MYO19: variants seen among roughly 807,000 people sequenced by gnomAD.
MYO19 encodes myosin XIX, also known as unconventional myosin-XIX.
A neutral mutation model predicts 129.2 loss-of-function variants in MYO19; 132 were observed. The observed-to-expected ratio is 1.02, with a 90% CI of 0.89 to 1.18. MYO19 has a LOEUF of 1.18. MYO19 is among the 50% of genes most tolerant of loss of function. The pLI is 0.00. For missense variants in MYO19, 1,210 were observed against 1,216.7 expected, an observed-to-expected ratio of 0.99 and a Z score of 0.08; for synonymous variants, 531 against 477.2, an observed-to-expected ratio of 1.11 and a Z score of -1.47.
In MYO19 at chr17:36,498,670, A is replaced by G; in HGVS notation, c.2464-111T>C. 4 of 1,300,034 alleles carry G rather than the reference A, an allele frequency of 3.1e-6. No individual in the cohort carries two copies. The South Asian group carries it at 6.2e-5, about 20-fold the overall frequency. The allele number at this position is 1,300,034 out of a possible 1,614,324, so 80.5% of individuals were successfully genotyped here. On this transcript the variant is annotated intron_variant, in intron 24 of 25. Transcript: ENST00000614623. The stretch of plus-strand genomic sequence containing the variant: ...CATCTTAACAAGGTGAACTGAAGGC[A>G]CCTGGTTGCAAACAGCTGGCTGCCC...
chr17:36,519,814 A>C (rs2073030196), intron 6 of MYO19, among the ~76,000 whole-genome samples: 2 of 151,998 alleles, frequency 1.3e-5, no homozygotes, highest in Non-Finnish European at 2.9e-5. Context: ...TCTTTATTTC[A>C]CTTTCATTGT....
At chr17:36,499,450 C>T (rs926051116) in intron 23 of MYO19, 2 of 282,418 alleles carry the variant, frequency 7.1e-6, no homozygotes, top group Non-Finnish European at 1.4e-5. Flanking sequence ...CAGGCTGGGT[C>T]CAGGTCAGCA....
intron 2 of MYO19, among the ~76,000 whole-genome samples, chr17:36,540,495 C>G (rs780859008): frequency 6.6e-6 from 1 of 151,944 alleles, no homozygotes; most frequent in Non-Finnish European, 1.5e-5. Context: ...CTCAGCCTCC[C>G]GAGGAGCTGG....
At chr17:36,525,021 C>A (rs1264187498) in intron 6 of MYO19, among the ~76,000 whole-genome samples, 1 of 152,168 alleles carries the variant, frequency 6.6e-6, no homozygotes, top group Non-Finnish European at 1.5e-5. Context: ...GATGGCAGAG[C>A]TTGCAGTAGA....
Position 36,513,654 on chromosome 17 carries a change from C to T in MYO19, c.792G>A (p.Leu264=). 1.2e-6 allele frequency: 2 copies of T among 1,613,992 alleles called. No homozygotes were observed. Among genetic ancestry groups the T allele is most frequent in the Non-Finnish European group, 1.7e-6 (2 of 1,179,890 alleles). ...HLPEGAAFSW[L]PNPERSLEED... ...CTTCTAAGCTCCTCTCTGGGTTGGG[C>T]AGCCAGGAGAAGGCAGCTCCCTCAG... The change falls in exon 10 of 26, where the codon CTG becomes CTA. Residue 264 remains leucine, a synonymous_variant. Coordinates refer to ENST00000614623, the MANE Select transcript of MYO19 (RefSeq NM_001163735.2).
upstream of MYO19, chr17:36,538,520 C>A: frequency 6.2e-7 from 1 of 1,613,742 alleles, no homozygotes; most frequent in Non-Finnish European, 8.5e-7. Context: ...ACAGCAGTAC[C>A]TTGTGGGCCT....
intron 6 of MYO19, among the ~76,000 whole-genome samples, chr17:36,523,729 A>C (rs1415583227): frequency 2.0e-5 from 3 of 152,196 alleles, no homozygotes; most frequent in Non-Finnish European, 2.9e-5. Context: ...ATGTATTTTG[A>C]GGGCAGGGAA....
In MYO19 at chr17:36,495,754, G is replaced by A. The variant is rs2070912528; in HGVS notation, c.*497C>T. On this transcript the variant is annotated 3_prime_UTR_variant, in exon 26 of 26. Coordinates refer to ENST00000614623, the MANE Select transcript of MYO19 (RefSeq NM_001163735.2). ...AATAAAATCAAAACGTGATTCTACT[G>A]TACATTGCATTATTCATAATTTAAT... The A allele has an allele frequency of 2.4e-6, 3 of 1,246,806 alleles. No individual in the cohort carries two copies. Among genetic ancestry groups the A allele is most frequent in the South Asian group, 3.9e-5 (1 of 25,482 alleles). The allele number at this position is 1,246,806 out of a possible 1,614,324, so 77.2% of individuals were successfully genotyped here.
chr17:36,502,898 C>A, intron 21 of MYO19, 199 bp downstream of exon 21: 1 of 604,290 alleles, frequency 1.7e-6, no homozygotes, highest in Non-Finnish European at 2.9e-6. Flanking sequence ...TAGCACCACC[C>A]ACAGCATCCT....
chr17:36,505,520 AC>A, intron 18 of MYO19, 116 bp from the exon 19 acceptor site: 1 of 695,308 alleles, frequency 1.4e-6, no homozygotes, highest in Non-Finnish European at 2.5e-6. Context: ...TGATCCTGAG[AC>A]CAAGAATCTC....
At chr17:36,528,459 C>CG in intron 3 of MYO19, among the ~76,000 whole-genome samples, 3 of 149,644 alleles carry the variant, frequency 2.0e-5, no homozygotes, top group Admixed American at 6.7e-5. Flanking sequence ...TGCAGTGAGC[C>CG]AACATTGTGC....
intron 4 of MYO19, 81 bp downstream of exon 4, chr17:36,527,978 TCTGAC>T: frequency 1.3e-6 from 2 of 1,532,236 alleles, no homozygotes; most frequent in Non-Finnish European, 1.8e-6. Flanking sequence ...CCGACCTCCG[TCTGAC>T]CTGGAGAAGC....
At chr17:36,533,766 A>C (rs2073965311) in intron 2 of MYO19, among the ~76,000 whole-genome samples, 187 bp downstream of exon 2, 1 of 152,156 alleles carries the variant, frequency 6.6e-6, no homozygotes, top group Non-Finnish European at 1.5e-5. Flanking sequence ...AAGCTCTTTC[A>C]ACTGGGAACT....
chr17:36,511,112 A>G, intron 12 of MYO19, 195 bp from the exon 13 acceptor site: 2 of 683,078 alleles, frequency 2.9e-6, no homozygotes, highest in Admixed American at 2.9e-5. Context: ...TTCATGTACC[A>G]GTCCATGCTG....
upstream of MYO19, chr17:36,537,272 C>T (rs1367907051): frequency 4.3e-6 from 7 of 1,613,856 alleles, no homozygotes; most frequent in Non-Finnish European, 5.9e-6. Context: ...AAACTAGATT[C>T]CTCACTGACT....
At chr17:36,508,729 C>A (rs2072100093) in intron 14 of MYO19, 3 of 292,624 alleles carry the variant, frequency 1.0e-5, no homozygotes, top group Admixed American at 4.7e-5. Flanking sequence ...CGGTGCCAGC[C>A]TCCAAAGTCC....
chr17:36,497,233 G>A (rs1168461693), intron 25 of MYO19, among the ~76,000 whole-genome samples: 1 of 151,754 alleles, frequency 6.6e-6, no homozygotes, highest in East Asian at 1.9e-4. Context: ...AGCTATTCGG[G>A]AGGCTGAGGC....
intron 5 of MYO19, 100 bp downstream of exon 5, chr17:36,527,449 CCA>C: frequency 7.4e-7 from 1 of 1,347,382 alleles, no homozygotes; most frequent in Middle Eastern, 2.5e-4. Flanking sequence ...CTCTGAATGA[CCA>C]CATTGCTGGT....
intron 14 of MYO19, 31 bp from the exon 15 acceptor site, chr17:36,507,955 A>G: frequency 6.4e-7 from 1 of 1,569,172 alleles, no homozygotes; most frequent in South Asian, 1.2e-5. Context: ...CCATGGGGCC[A>G]CTGCAGGGAG....
Sources: allele counts gnomAD v4.1 joint callset (sites outside exome capture counted in the v4.1 genomes callset), GRCh38; gene constraint gnomAD v4.1.1; transcripts MANE v1.5; gene names NCBI Gene and HGNC (gene_info 2026-07-23, HGNC 2026-07-21).